MLLT3: variants seen among roughly 807,000 people sequenced by gnomAD.
MLLT3 encodes MLLT3 super elongation complex subunit, also known as protein AF-9.
A neutral mutation model predicts 53.2 loss-of-function variants in MLLT3; 4 were observed. The ratio of observed to expected loss-of-function variants is 0.08; its 90% confidence interval spans 0.04 to 0.17. MLLT3 has a LOEUF of 0.17. Ranked by LOEUF, MLLT3 falls within the 10% of genes least tolerant of loss-of-function variation. The pLI is 1.00. For missense variants in MLLT3, 569 were observed against 684.0 expected (o/e 0.83, Z 1.87); for synonymous variants, 283 against 230.6 (o/e 1.23, Z -2.06).
chr9:20,489,153 A>G (rs1239142014), intron 2 of MLLT3, among the ~76,000 whole-genome samples: 1 of 152,176 alleles, frequency 6.6e-6, no homozygotes, highest in Non-Finnish European at 1.5e-5. Flanking sequence ...CTGGCTTAAC[A>G]AGGGAGAGCG....
intron 8 of MLLT3, among the ~76,000 whole-genome samples, chr9:20,357,981 G>GCA (rs3222132): frequency 0.061 from 8,542 of 139,360 alleles, 296 homozygotes; most frequent in Middle Eastern, 0.11. Context: ...TCCCTCCTGC[G>GCA]CACACACACA....
At chr9:20,473,082 G>A (rs1824435166) in intron 2 of MLLT3, among the ~76,000 whole-genome samples, 1 of 152,084 alleles carries the variant, frequency 6.6e-6, no homozygotes, top group Admixed American at 6.6e-5. Flanking sequence ...GTAGTCCGTA[G>A]CAATCTGTTC....
intron 2 of MLLT3, among the ~76,000 whole-genome samples, chr9:20,594,065 C>T (rs575682188): frequency 3.8e-4 from 58 of 151,866 alleles, no homozygotes; most frequent in African/African-American, 1.3e-3. Context: ...CTCAGCCTCC[C>T]AATTAGCTGG....
At chr9:20,614,134 C>A (rs553194591) in intron 2 of MLLT3, among the ~76,000 whole-genome samples, 93 of 152,310 alleles carry the variant, frequency 6.1e-4, no homozygotes, top group African/African-American at 2.0e-3. Flanking sequence ...GTGCCTCATG[C>A]CTGTAATCTC....
intron 2 of MLLT3, among the ~76,000 whole-genome samples, chr9:20,615,383 A>C (rs61655944): frequency 1.3e-3 from 171 of 132,508 alleles, no homozygotes; most frequent in Non-Finnish European, 1.6e-3. Flanking sequence ...AAAAAAAAAA[A>C]AAAAAAAAAA....
intron 2 of MLLT3, 37 bp from the exon 3 acceptor site, chr9:20,456,823 T>C (rs1823980991): frequency 4.3e-6 from 6 of 1,394,142 alleles, no homozygotes; most frequent in Non-Finnish European, 5.9e-6. Context: ...AAGATGAGAA[T>C]AATAGACAAA....
intron 2 of MLLT3, among the ~76,000 whole-genome samples, chr9:20,459,909 C>G (rs369858776): frequency 2.9e-4 from 44 of 152,278 alleles, no homozygotes; most frequent in African/African-American, 1.0e-3. Context: ...GAACTTTTTA[C>G]ACACAATAAA....
chr9:20,457,892 G>T (rs1824010781), intron 2 of MLLT3, among the ~76,000 whole-genome samples: 1 of 152,106 alleles, frequency 6.6e-6, no homozygotes, highest in South Asian at 2.1e-4. Flanking sequence ...CTGCATTTTG[G>T]TGGTATCACA....
intron 2 of MLLT3, among the ~76,000 whole-genome samples, chr9:20,577,970 C>T (rs1291333493): frequency 6.6e-6 from 1 of 152,144 alleles, no homozygotes; most frequent in East Asian, 1.9e-4. Context: ...CTGTAGTTCC[C>T]AGTATCAAAT....
chr9:20,604,790 CA>C (rs1820521898), intron 2 of MLLT3, among the ~76,000 whole-genome samples: 1 of 152,074 alleles, frequency 6.6e-6, no homozygotes, highest in African/African-American at 2.4e-5. Flanking sequence ...CATTTTCAGC[CA>C]ACGGAATGGA....
At chr9:20,577,590 T>C (rs776523821) in intron 2 of MLLT3, among the ~76,000 whole-genome samples, 8 of 152,156 alleles carry the variant, frequency 5.3e-5, no homozygotes, top group Non-Finnish European at 7.3e-5. Flanking sequence ...ACCAACCACT[T>C]GGGCAATTAT....
chr9:20,356,048 G>C (rs778192014), intron 8 of MLLT3, among the ~76,000 whole-genome samples: 1 of 152,152 alleles, frequency 6.6e-6, no homozygotes, highest in Non-Finnish European at 1.5e-5. Flanking sequence ...AAATGGGAGA[G>C]ATGAACAAGA....
At chr9:20,569,846 G>C (rs1307005854) in intron 2 of MLLT3, among the ~76,000 whole-genome samples, 1 of 152,188 alleles carries the variant, frequency 6.6e-6, no homozygotes, top group South Asian at 2.1e-4. Flanking sequence ...TCAATGTGAA[G>C]CAGAAGCTCA....
chr9:20,528,126 G>A (rs1401887013), intron 2 of MLLT3, among the ~76,000 whole-genome samples: 1 of 152,164 alleles, frequency 6.6e-6, no homozygotes, highest in Admixed American at 6.5e-5. Flanking sequence ...ATTAAACACA[G>A]CTTAAATCTA....
intron 2 of MLLT3, among the ~76,000 whole-genome samples, chr9:20,537,425 A>C (rs901643376): frequency 1.3e-5 from 2 of 152,218 alleles, no homozygotes; most frequent in Non-Finnish European, 1.5e-5. Flanking sequence ...TATCTGAAGA[A>C]TGTTTTTATT....
intron 2 of MLLT3, among the ~76,000 whole-genome samples, chr9:20,470,715 C>A (rs1824369142): frequency 6.6e-6 from 1 of 151,898 alleles, no homozygotes; most frequent in Non-Finnish European, 1.5e-5. Context: ...AGCTTCTACC[C>A]TAAACCAAAG....
intron 5 of MLLT3, among the ~76,000 whole-genome samples, chr9:20,384,368 T>C (rs907039324): frequency 6.6e-6 from 1 of 152,082 alleles, no homozygotes; most frequent in African/African-American, 2.4e-5. Flanking sequence ...GGTCATGTGG[T>C]ATATCATCAA....
chr9:20,498,301 G>C (rs1036888853), intron 2 of MLLT3, among the ~76,000 whole-genome samples: 1 of 145,596 alleles, frequency 6.9e-6, no homozygotes, highest in Non-Finnish European at 1.5e-5. Flanking sequence ...CCAGTACTTG[G>C]TGTGGTCAGT....
At chr9:20,546,637 C>T (rs1206386507) in intron 2 of MLLT3, among the ~76,000 whole-genome samples, 1 of 152,132 alleles carries the variant, frequency 6.6e-6, no homozygotes, top group Admixed American at 6.6e-5. Flanking sequence ...CTGCGAATGA[C>T]CCTGTATGGC....
Sources: allele counts gnomAD v4.1 joint callset (sites outside exome capture counted in the v4.1 genomes callset), GRCh38; gene constraint gnomAD v4.1.1; transcripts MANE v1.5; gene names NCBI Gene and HGNC (gene_info 2026-07-23, HGNC 2026-07-21).